Variants in ASIC2 observed in about 807,000 individuals in gnomAD.
The protein encoded by ASIC2 is acid-sensing ion channel 2.
ASIC2 carries 25 observed loss-of-function variants against 57.3 expected under a neutral mutation model. The ratio of observed to expected loss-of-function variants is 0.44; its 90% confidence interval spans 0.32 to 0.61. The LOEUF is 0.61. Among genes scored for constraint, ASIC2 ranks in the 20% least tolerant of loss-of-function variants. ASIC2 has a pLI of 0.06. For missense variants in ASIC2, 641 were observed against 738.1 expected, an observed-to-expected ratio of 0.87 and a Z score of 1.52; for synonymous variants, 319 against 307.5, an observed-to-expected ratio of 1.04 and a Z score of -0.39.
intron 5 of ASIC2, among the ~76,000 whole-genome samples, chr17:33,025,609 TCC>T (rs1469917413): frequency 1.3e-5 from 2 of 151,920 alleles, no homozygotes; most frequent in Admixed American, 6.6e-5. Context: ...CTCTGTCCTC[TCC>T]CCTGCATTCC....
chr17:33,114,069 C>T (rs1239337134), intron 1 of ASIC2, among the ~76,000 whole-genome samples: 1 of 152,162 alleles, frequency 6.6e-6, no homozygotes, highest in African/African-American at 2.4e-5. Context: ...GCCTTGAAGA[C>T]CTGTAGGAAG....
intron 1 of ASIC2, chr17:34,039,997 A>T (rs12449714): frequency 0.12 from 83,375 of 709,746 alleles, 5,834 homozygotes; most frequent in Admixed American, 0.23. Flanking sequence ...GCCTCTCCTG[A>T]GCGCCGCAAC....
intron 1 of ASIC2, among the ~76,000 whole-genome samples, chr17:33,227,139 C>A (rs1034064773): frequency 2.6e-5 from 4 of 152,164 alleles, no homozygotes; most frequent in African/African-American, 4.8e-5. Context: ...GGCAGCGAGG[C>A]CCAAGGCCTC....
At chr17:33,763,315 G>A (rs1910840933) in intron 1 of ASIC2, among the ~76,000 whole-genome samples, 1 of 152,142 alleles carries the variant, frequency 6.6e-6, no homozygotes, top group Non-Finnish European at 1.5e-5. Flanking sequence ...ACAGCTTTAG[G>A]CTCATGATCT....
chr17:33,355,519 C>T (rs1908342449), intron 1 of ASIC2, among the ~76,000 whole-genome samples: 1 of 143,038 alleles, frequency 7.0e-6, no homozygotes, highest in African/African-American at 2.6e-5. Context: ...TAGATGGGGG[C>T]GGGGGCTTTA....
chr17:33,304,441 C>T (rs997226457), intron 1 of ASIC2, among the ~76,000 whole-genome samples: 4 of 152,188 alleles, frequency 2.6e-5, no homozygotes, highest in Non-Finnish European at 4.4e-5. Flanking sequence ...ACTTTTCTGT[C>T]TCTATAAAGT....
chr17:33,486,788 C>T (rs1913589125), intron 1 of ASIC2, among the ~76,000 whole-genome samples: 1 of 152,200 alleles, frequency 6.6e-6, no homozygotes, highest in East Asian at 1.9e-4. Context: ...TACTGCTGTT[C>T]CTCCCACTTC....
intron 1 of ASIC2, among the ~76,000 whole-genome samples, chr17:33,541,042 G>A (rs1322254562): frequency 6.6e-6 from 1 of 151,874 alleles, no homozygotes; most frequent in Non-Finnish European, 1.5e-5. Context: ...TTACAAAAGA[G>A]ATCTGACTGG....
At chr17:33,843,208 A>C (rs1209463954) in intron 1 of ASIC2, among the ~76,000 whole-genome samples, 1 of 152,198 alleles carries the variant, frequency 6.6e-6, no homozygotes, top group African/African-American at 2.4e-5. Context: ...GGACCTTATC[A>C]GGCTTATTTG....
intron 1 of ASIC2, among the ~76,000 whole-genome samples, chr17:34,142,209 A>C (rs987739658): frequency 1.3e-5 from 2 of 152,122 alleles, no homozygotes; most frequent in Non-Finnish European, 2.9e-5. Flanking sequence ...AATTACCTAC[A>C]CATCATAGTG....
At chr17:33,631,030 G>C (rs1157466337) in intron 1 of ASIC2, among the ~76,000 whole-genome samples, 1 of 152,230 alleles carries the variant, frequency 6.6e-6, no homozygotes, top group African/African-American at 2.4e-5. Context: ...GTGACTCTCA[G>C]ATTGGAGTAA....
At chr17:33,022,416 G>A (rs557912245) in intron 6 of ASIC2, among the ~76,000 whole-genome samples, 25 of 152,246 alleles carry the variant, frequency 1.6e-4, no homozygotes, top group African/African-American at 3.9e-4. Flanking sequence ...CACAGCATTC[G>A]TCCTATTGGG....
chr17:33,554,764 T>G (rs1487098174), intron 1 of ASIC2, among the ~76,000 whole-genome samples: 1 of 152,144 alleles, frequency 6.6e-6, no homozygotes, highest in African/African-American at 2.4e-5. Context: ...GATCTATGCC[T>G]GAGGCTGGCC....
At chr17:33,460,327 T>C (rs928091638) in intron 1 of ASIC2, among the ~76,000 whole-genome samples, 1 of 152,124 alleles carries the variant, frequency 6.6e-6, no homozygotes, top group African/African-American at 2.4e-5. Context: ...GGGCTGCCAT[T>C]CTCACAGGCA....
intron 1 of ASIC2, among the ~76,000 whole-genome samples, chr17:33,289,688 G>A (rs1280286149): frequency 6.6e-6 from 1 of 152,162 alleles, no homozygotes; most frequent in Non-Finnish European, 1.5e-5. Flanking sequence ...TTAAAAATGG[G>A]AATAAAACTC....
intron 1 of ASIC2, among the ~76,000 whole-genome samples, chr17:33,729,297 C>T (rs1909663192): frequency 6.6e-6 from 1 of 152,120 alleles, no homozygotes; most frequent in South Asian, 2.1e-4. Flanking sequence ...ACAACCAGAT[C>T]TTGTGGAAAC....
At chr17:33,917,593 C>T (rs998204476) in intron 1 of ASIC2, among the ~76,000 whole-genome samples, 1 of 152,202 alleles carries the variant, frequency 6.6e-6, no homozygotes, top group Admixed American at 6.5e-5. Flanking sequence ...GTCTTCCACA[C>T]TCCGGTTTCT....
At chr17:33,409,747 A>G (rs928003045) in intron 1 of ASIC2, among the ~76,000 whole-genome samples, 4 of 152,156 alleles carry the variant, frequency 2.6e-5, no homozygotes, top group African/African-American at 9.7e-5. Context: ...GAGGGGTATG[A>G]ATACAGCTAG....
intron 1 of ASIC2, among the ~76,000 whole-genome samples, chr17:33,494,086 T>A (rs1236468574): frequency 6.6e-6 from 1 of 152,224 alleles, no homozygotes; most frequent in East Asian, 1.9e-4. Flanking sequence ...TAGGAAATGG[T>A]AAGCTGGGCC....
Sources: allele counts gnomAD v4.1 joint callset (sites outside exome capture counted in the v4.1 genomes callset), GRCh38; gene constraint gnomAD v4.1.1; transcripts MANE v1.5; gene names NCBI Gene and HGNC (gene_info 2026-07-23, HGNC 2026-07-21).